TLK1: variants seen among roughly 807,000 people sequenced by gnomAD.
TLK1 encodes the protein tousled like kinase 1, also known as serine/threonine-protein kinase tousled-like 1.
Under a neutral mutation model 105.3 loss-of-function variants are expected in TLK1, and 24 were observed. The observed-to-expected ratio is 0.23, with a 90% CI of 0.17 to 0.32. The LOEUF is 0.32. Among genes scored for constraint, TLK1 ranks in the 10% least tolerant of loss-of-function variants. TLK1 has a pLI of 1.00. For synonymous variants in TLK1, 321 were observed against 310.4 expected (o/e 1.03, Z -0.36); for missense variants, 558 against 910.5 (o/e 0.61, Z 4.98).
intron 1 of TLK1, among the ~76,000 whole-genome samples, chr2:171,130,961 C>G (rs1041579212): frequency 1.3e-5 from 2 of 151,896 alleles, no homozygotes; most frequent in African/African-American, 2.4e-5. Context: ...TTCCAAAGAC[C>G]AAATCACCCC....
intron 1 of TLK1, among the ~76,000 whole-genome samples, chr2:171,183,129 A>G (rs1367396132): frequency 6.6e-6 from 1 of 152,164 alleles, no homozygotes; most frequent in Non-Finnish European, 1.5e-5. Context: ...ATTAAAAATC[A>G]TGATACATTA....
intron 1 of TLK1, among the ~76,000 whole-genome samples, chr2:171,159,054 C>A (rs956750082): frequency 6.6e-6 from 1 of 152,042 alleles, no homozygotes; most frequent in African/African-American, 2.4e-5. Flanking sequence ...GGATTCAGGG[C>A]ACAAAACACT....
At position 171,070,218 on chromosome 2, in the gene TLK1, G is replaced by A. The variant is rs192472632; in HGVS notation, c.331-9062C>T. The stretch of plus-strand genomic sequence containing the variant: ...TTTAATCATTGTGGGTACACAGTAG[G>A]TGTATATATTTATGGGGTACATATT... On this transcript the variant is annotated intron_variant, in intron 3 of 20. Coordinates refer to ENST00000431350, the MANE Select transcript of TLK1 (RefSeq NM_012290.5). 3.1e-3 allele frequency among the ~76,000 whole-genome samples: 461 copies of A among 149,492 alleles called. 4 individuals carry two copies. Among genetic ancestry groups the A allele is most frequent in the African/African-American group, 0.011 (433 of 40,946 alleles).
At chr2:171,087,018 A>G (rs182944265) in intron 2 of TLK1, among the ~76,000 whole-genome samples, 2 of 152,328 alleles carry the variant, frequency 1.3e-5, no homozygotes, top group East Asian at 3.9e-4. Flanking sequence ...AGGGAGACAT[A>G]GCTTAAATTT....
At chr2:171,063,084 G>A (rs1463308033) in intron 3 of TLK1, among the ~76,000 whole-genome samples, 1 of 152,130 alleles carries the variant, frequency 6.6e-6, no homozygotes, top group African/African-American at 2.4e-5. Context: ...AGTGACTCAT[G>A]CCTGCAATCT....
At chr2:171,206,783 A>G (rs145081010) in intron 1 of TLK1, among the ~76,000 whole-genome samples, 23 of 152,380 alleles carry the variant, frequency 1.5e-4, no homozygotes, top group African/African-American at 5.3e-4. Flanking sequence ...CAGATGGCAA[A>G]TAAGCATATG....
chr2:171,214,554 G>C (rs186827682), intron 1 of TLK1, among the ~76,000 whole-genome samples: 104 of 152,234 alleles, frequency 6.8e-4, no homozygotes, highest in African/African-American at 2.4e-3. Flanking sequence ...CATCAGAGTC[G>C]CCTTGAGGGC....
chr2:171,156,807 G>A (rs1054700327), intron 1 of TLK1, among the ~76,000 whole-genome samples: 1 of 152,068 alleles, frequency 6.6e-6, no homozygotes, highest in Non-Finnish European at 1.5e-5. Flanking sequence ...GGAAACAGAG[G>A]AAGTTTACAG....
Position 171,160,339 on chromosome 2 carries a change from C to T in TLK1, c.90G>A (p.Ala30=), listed in dbSNP as rs1692432274. 3 of 1,601,994 alleles carry T rather than the reference C, an allele frequency of 1.9e-6. No individual in the cohort carries two copies. Among genetic ancestry groups the T allele is most frequent in the East Asian group, 4.7e-5 (2 of 42,868 alleles). ...GCGTGTGATTCAGCAGGGACCTGGC[C>T]GCCGCCGCCGAGCCCGGGGTTGGAG... is the stretch of plus-strand genomic sequence containing the variant. ...STSPTPGSAA[A]ARSLLNHTPP... The change falls in exon 1 of 21, where the codon GCG becomes GCA. Residue 30 remains alanine (A), a synonymous_variant. Coordinates refer to ENST00000431350, the MANE Select transcript of TLK1 (RefSeq NM_012290.5). The surrounding 1 kb of genome is among the most constrained non-coding windows in gnomAD (Gnocchi z 4.4).
chr2:170,994,831 A>C (rs553220435), intron 20 of TLK1: 13 of 388,940 alleles, frequency 3.3e-5, no homozygotes, highest in South Asian at 2.4e-4. Context: ...CCCAATATTA[A>C]ATTTTGAGGT....
At chr2:171,149,811 T>G (rs949984590) in intron 1 of TLK1, among the ~76,000 whole-genome samples, 2 of 151,878 alleles carry the variant, frequency 1.3e-5, no homozygotes, top group African/African-American at 4.8e-5. Flanking sequence ...GAGGCTGAGA[T>G]GAAGAAGTAT....
intron 2 of TLK1, among the ~76,000 whole-genome samples, chr2:171,091,041 G>C (rs1169958898): frequency 6.6e-6 from 1 of 152,154 alleles, no homozygotes; most frequent in Non-Finnish European, 1.5e-5. Flanking sequence ...TAGGGGATCA[G>C]CAAACTATGG....
intron 2 of TLK1, among the ~76,000 whole-genome samples, chr2:171,089,820 C>T (rs1363164222): frequency 3.3e-5 from 5 of 152,140 alleles, no homozygotes; most frequent in African/African-American, 1.2e-4. Flanking sequence ...ATTACGGGCA[C>T]AAGCCACCGT....
intron 2 of TLK1, among the ~76,000 whole-genome samples, chr2:171,091,168 A>C (rs1054674588): frequency 1.3e-5 from 2 of 152,224 alleles, no homozygotes; most frequent in Non-Finnish European, 2.9e-5. Context: ...TTTGATAGAG[A>C]CCACATGACC....
chr2:171,216,290 T>A (rs562789139), intron 1 of TLK1, among the ~76,000 whole-genome samples: 1 of 151,894 alleles, frequency 6.6e-6, no homozygotes, highest in Non-Finnish European at 1.5e-5. Flanking sequence ...TCCTGGCTAA[T>A]ACGGTGAAAC....
At chr2:171,194,723 A>C (rs1693229405) in intron 1 of TLK1, among the ~76,000 whole-genome samples, 1 of 150,970 alleles carries the variant, frequency 6.6e-6, no homozygotes. Context: ...AGGCTGAGGC[A>C]GGAGAATGGC....
chr2:171,205,413 C>T (rs1314998815), intron 1 of TLK1, among the ~76,000 whole-genome samples: 2 of 152,026 alleles, frequency 1.3e-5, no homozygotes, highest in African/African-American at 4.8e-5. Context: ...GCCTTGACTA[C>T]CCAGGCTCAA....
intron 1 of TLK1, among the ~76,000 whole-genome samples, chr2:171,143,482 G>A (rs1382980380): frequency 3.7e-5 from 4 of 108,140 alleles, no homozygotes; most frequent in Non-Finnish European, 5.1e-5. Flanking sequence ...CTCCAGACTG[G>A]GCAGAAGAGT....
chr2:171,049,950 T>G lies in TLK1; in HGVS notation c.844A>C (p.Ser282Arg). 6.2e-7 allele frequency: 1 copy of G among 1,604,294 alleles called. No homozygotes were observed. Among genetic ancestry groups the G allele is most frequent in the Non-Finnish European group, 8.5e-7 (1 of 1,174,150 alleles). The stretch of plus-strand genomic sequence containing the variant: ...CTGCTTGACAGCTTTTCTTGTGTAC[T>G]CTGAAAAGGAGAAAAAAAATCATCA... ...SMSKKLLIEKSTQEKLSSREK... is the reference protein window; with the variant it reads ...SMSKKLLIEKRTQEKLSSREK... The change falls in exon 10 of 21, where the codon AGT becomes CGT. Residue 282 changes from serine to arginine, a missense_variant and splice_region_variant. Transcript: ENST00000431350.
Sources: allele counts gnomAD v4.1 joint callset (sites outside exome capture counted in the v4.1 genomes callset), GRCh38; gene constraint gnomAD v4.1.1; non-coding constraint Gnocchi (gnomAD v3.1); transcripts MANE v1.5; gene names NCBI Gene and HGNC (gene_info 2026-07-23, HGNC 2026-07-21).